C12orf42: variants seen among roughly 807,000 people sequenced by gnomAD.
C12orf42 encodes the protein chromosome 12 open reading frame 42, also known as uncharacterized protein C12orf42.
Under a neutral mutation model 21.6 loss-of-function variants are expected in C12orf42, and 25 were observed. The ratio of observed to expected loss-of-function variants is 1.16; its 90% CI spans 0.84 to 1.62. The LOEUF is 1.62. Among genes scored for constraint, C12orf42 ranks in the 40% most tolerant of loss-of-function variants. The pLI, the probability that C12orf42 is intolerant of heterozygous loss-of-function variation, is 0.00. For missense variants in C12orf42, 483 were observed against 459.3 expected, an observed-to-expected ratio of 1.05 and a Z score of -0.47; for synonymous variants, 174 against 175.0, an observed-to-expected ratio of 0.99 and a Z score of 0.05.
intron 4 of C12orf42, among the ~76,000 whole-genome samples, chr12:103,364,041 A>G (rs1331181524): frequency 6.6e-6 from 1 of 152,162 alleles, no homozygotes; most frequent in Non-Finnish European, 1.5e-5. Context: ...TGCAGAATAT[A>G]CATTCCATTC....
chr12:103,367,704 G>C (rs2044738849), intron 4 of C12orf42, among the ~76,000 whole-genome samples: 1 of 151,850 alleles, frequency 6.6e-6, no homozygotes, highest in Non-Finnish European at 1.5e-5. Flanking sequence ...GCAGAAGTAG[G>C]AAAAAGACTG....
the C12orf42 span, among the ~76,000 whole-genome samples, chr12:103,190,135 G>C: frequency 6.6e-6 from 1 of 152,164 alleles, no homozygotes; most frequent in Non-Finnish European, 1.5e-5. Context: ...CTCAAAACTA[G>C]AGAAGCAGAT....
chr12:103,282,028 C>T (rs917139915), intron 4 of C12orf42, among the ~76,000 whole-genome samples: 3 of 152,108 alleles, frequency 2.0e-5, no homozygotes, highest in Admixed American at 6.6e-5. Flanking sequence ...TCAATTATCT[C>T]CGTATTCTCG....
chr12:103,110,995 T>C, the C12orf42 span, among the ~76,000 whole-genome samples: 1 of 152,212 alleles, frequency 6.6e-6, no homozygotes, highest in African/African-American at 2.4e-5. Context: ...CAGACAGCAC[T>C]AGGCAGTTCT....
intron 3 of C12orf42, among the ~76,000 whole-genome samples, chr12:103,388,347 G>C (rs2046795528): frequency 6.6e-6 from 1 of 152,030 alleles, no homozygotes; most frequent in African/African-American, 2.4e-5. Context: ...GCTACTCCTG[G>C]GCCTGGCTCC....
At chr12:103,417,512 C>T (rs2049463276) in intron 2 of C12orf42, among the ~76,000 whole-genome samples, 1 of 152,128 alleles carries the variant, frequency 6.6e-6, no homozygotes, top group Non-Finnish European at 1.5e-5. Flanking sequence ...TTTCACACAC[C>T]TCATTGTTCC....
At chr12:103,398,178 C>G (rs547343476) in intron 3 of C12orf42, among the ~76,000 whole-genome samples, 2 of 152,318 alleles carry the variant, frequency 1.3e-5, no homozygotes, top group East Asian at 3.9e-4. Context: ...TTTGTCAACA[C>G]TTTTTATCAT....
intron 3 of C12orf42, among the ~76,000 whole-genome samples, chr12:103,370,317 C>A (rs1343769426): frequency 2.6e-5 from 4 of 152,198 alleles, no homozygotes; most frequent in African/African-American, 7.2e-5. Flanking sequence ...AGCAGTATGG[C>A]ACTTTCTCAA....
At chr12:103,217,632 C>T in the C12orf42 span, among the ~76,000 whole-genome samples, 1 of 152,114 alleles carries the variant, frequency 6.6e-6, no homozygotes, top group East Asian at 1.9e-4. Context: ...GACACATCTC[C>T]CCATGCTGTG....
At chr12:103,545,169 A>G in the C12orf42 span, among the ~76,000 whole-genome samples, 1 of 152,208 alleles carries the variant, frequency 6.6e-6, no homozygotes, top group Non-Finnish European at 1.5e-5. Flanking sequence ...TGAGGATTTC[A>G]CTGGCAGGTA....
At chr12:103,555,416 T>A in the C12orf42 span, among the ~76,000 whole-genome samples, 1 of 152,000 alleles carries the variant, frequency 6.6e-6, no homozygotes, top group Non-Finnish European at 1.5e-5. Flanking sequence ...GCCCCCATGA[T>A]TCAATTACCT....
chr12:103,553,976 ACTAGC>A, the C12orf42 span, among the ~76,000 whole-genome samples: 1 of 152,182 alleles, frequency 6.6e-6, no homozygotes, highest in African/African-American at 2.4e-5. Context: ...TCAGAAACAG[ACTAGC>A]CTAGGTGGGG....
the C12orf42 span, among the ~76,000 whole-genome samples, chr12:103,545,363 A>T: frequency 0.27 from 41,575 of 152,062 alleles, 6,672 homozygotes; most frequent in African/African-American, 0.44. Context: ...ATAACCCAAT[A>T]TTTGTAGAAA....
At chr12:103,096,187 T>C in the C12orf42 span, among the ~76,000 whole-genome samples, 2 of 152,222 alleles carry the variant, frequency 1.3e-5, no homozygotes, top group African/African-American at 4.8e-5. Flanking sequence ...TCAGGTGCCA[T>C]CTGAAAGTGA....
rs114461141 is a variant in C12orf42 at position 103,250,398 on chromosome 12, C to A, written c.*1367-12496G>T. Among the ~76,000 whole-genome samples the A allele has an allele frequency of 2.0e-5, 3 of 152,112 alleles. No homozygotes were observed. In the East Asian group the frequency reaches 5.8e-4, roughly 29 times the overall value. On this transcript the variant is annotated intron_variant and NMD_transcript_variant, in intron 10 of 10. Coordinates refer to the C12orf42 transcript ENST00000547347. ...TTCACATCCAGCAGAAAAGCACAAG[C>A]CTTTTCTCCAACAGCACCTACATTT...
the C12orf42 span, among the ~76,000 whole-genome samples, chr12:103,196,821 G>A: frequency 6.6e-5 from 10 of 152,036 alleles, no homozygotes; most frequent in Non-Finnish European, 1.3e-4. Context: ...TTGAATGTGA[G>A]AGGGTCTCAT....
At chr12:103,563,480 T>G in the C12orf42 span, among the ~76,000 whole-genome samples, 1 of 152,218 alleles carries the variant, frequency 6.6e-6, no homozygotes, top group Non-Finnish European at 1.5e-5. Context: ...TGTCTCCAAA[T>G]CTCTTTGTGA....
the C12orf42 span, among the ~76,000 whole-genome samples, chr12:103,507,144 TAA>T: frequency 4.6e-5 from 1 of 21,796 alleles, no homozygotes; most frequent in Non-Finnish European, 6.3e-5. Flanking sequence ...ATTATATATA[TAA>T]TATAAATATA....
Position 103,412,147 on chromosome 12 carries a change from C to T in C12orf42, c.79-10472G>A, listed in dbSNP as rs186759956. Among the ~76,000 whole-genome samples the T allele has an allele frequency of 1.5e-4, 23 of 152,328 alleles. No individual in the cohort carries two copies. The Middle Eastern group carries it at 0.014, about 90-fold the overall frequency. The stretch of plus-strand genomic sequence containing the variant: ...CATTTTCTGAAACTCTTTCTGAAGA[C>T]TCACATTTTAACTGAGTTTAAATTT... On this transcript the variant is annotated intron_variant, in intron 2 of 5. Coordinates refer to ENST00000548883, the MANE Select transcript of C12orf42 (RefSeq NM_198521.5).
Sources: gnomAD v4.1 joint callset for allele counts (sites outside exome capture counted in the v4.1 genomes callset) on GRCh38, gnomAD v4.1.1 for gene constraint, MANE v1.5 for transcripts, NCBI Gene and HGNC (gene_info 2026-07-23, HGNC 2026-07-21) for gene names.